Variants in ANGPT1 observed in about 807,000 individuals in gnomAD.
ANGPT1 encodes the protein angiopoietin-1.
In ANGPT1, 17 loss-of-function variants were observed where a neutral mutation model predicts 62.2. The observed-to-expected ratio is 0.27, with a 90% CI of 0.19 to 0.41. ANGPT1 has a LOEUF of 0.41. Ranked by LOEUF, ANGPT1 falls within the 10% of genes least tolerant of loss-of-function variation. The probability of loss-of-function intolerance (pLI) is 1.00; values close to 1 mark genes in which losing one functional copy is unlikely to be tolerated. For synonymous variants in ANGPT1, 199 were observed against 198.9 expected (o/e 1.00, Z 0.00); for missense variants, 478 against 594.9 (o/e 0.80, Z 2.04).
chr8:107,280,211 T>A (rs906977888), intron 7 of ANGPT1, among the ~76,000 whole-genome samples: 11 of 152,106 alleles, frequency 7.2e-5, no homozygotes, highest in African/African-American at 2.2e-4. Flanking sequence ...TTTTTATTTT[T>A]TTTTTTGAGA....
chr8:107,471,279 G>A (rs540713349), intron 1 of ANGPT1, among the ~76,000 whole-genome samples: 3 of 152,164 alleles, frequency 2.0e-5, no homozygotes, highest in Non-Finnish European at 4.4e-5. Flanking sequence ...ATCATTCTCA[G>A]CTTTCTGTGC....
intron 1 of ANGPT1, among the ~76,000 whole-genome samples, chr8:107,452,392 AAACACAC>A (rs1811800249): frequency 6.6e-6 from 1 of 151,898 alleles, no homozygotes; most frequent in Admixed American, 6.6e-5. Flanking sequence ...TTCATATTGT[AAACACAC>A]CATGATACAT....
intron 4 of ANGPT1, among the ~76,000 whole-genome samples, chr8:107,314,503 A>G (rs2130031399): frequency 6.6e-6 from 1 of 152,334 alleles, no homozygotes; most frequent in South Asian, 2.1e-4. Context: ...TGACTATTCT[A>G]AAAGGCAGAT....
intron 1 of ANGPT1, among the ~76,000 whole-genome samples, chr8:107,370,903 T>C (rs1161752142): frequency 6.6e-6 from 1 of 151,632 alleles, no homozygotes; most frequent in Non-Finnish European, 1.5e-5. Context: ...AAAGTGAGCA[T>C]ATGGCATTGA....
chr8:107,349,912 G>A (rs1403072765), intron 1 of ANGPT1, among the ~76,000 whole-genome samples: 6 of 152,110 alleles, frequency 3.9e-5, no homozygotes, highest in Admixed American at 1.3e-4. Context: ...ATTTTATAAA[G>A]CTTCCCAGTG....
chr8:107,312,224 C>A (rs1586212788), intron 4 of ANGPT1, among the ~76,000 whole-genome samples: 1 of 152,192 alleles, frequency 6.6e-6, no homozygotes, highest in Non-Finnish European at 1.5e-5. Flanking sequence ...GAATGCTGCA[C>A]GGCCCTTGCC....
chr8:107,454,531 T>C (rs1586336202), intron 1 of ANGPT1, among the ~76,000 whole-genome samples: 1 of 152,134 alleles, frequency 6.6e-6, no homozygotes, highest in South Asian at 2.1e-4. Flanking sequence ...GTGTTATCTA[T>C]ACATGTCTTC....
At position 107,409,862 on chromosome 8, in the gene ANGPT1, G is replaced by A. The variant is rs566899088; in HGVS notation, c.298-62765C>T. Among the ~76,000 whole-genome samples the A allele has an allele frequency of 2.6e-5, 4 of 152,066 alleles. No individual in the cohort carries two copies. The East Asian group carries it at 5.8e-4, about 22-fold the overall frequency. On this transcript the variant is annotated intron_variant, in intron 1 of 8. Transcript: ENST00000517746. Reference sequence around the variant, plus strand: ...AGACAGTGGGCCTCATGAAAAGTAGGAACATAATGATTGTGTTTATTTGTG... The same window carrying A: ...AGACAGTGGGCCTCATGAAAAGTAGAAACATAATGATTGTGTTTATTTGTG...
In ANGPT1 at chr8:107,431,753, A is replaced by G. The variant is rs541329124; in HGVS notation, c.297+65509T>C. ...CTCTGTCTTTTTTTTTTTTATCATC[A>G]AAGTATCATGCTAGGCACTGAGGAA... On this transcript the variant is annotated intron_variant, in intron 1 of 8. Transcript: ENST00000517746. 2.4e-4 allele frequency among the ~76,000 whole-genome samples: 37 copies of G among 152,092 alleles called. No individual in the cohort carries two copies. The East Asian group carries it at 6.6e-3, about 27-fold the overall frequency.
intron 1 of ANGPT1, among the ~76,000 whole-genome samples, chr8:107,435,114 G>A (rs1248823007): frequency 6.6e-6 from 1 of 152,120 alleles, no homozygotes; most frequent in Admixed American, 6.5e-5. Context: ...GAAGGAGAAA[G>A]GACTGTAAAT....
At chr8:107,375,191 C>A (rs951558807) in intron 1 of ANGPT1, among the ~76,000 whole-genome samples, 2 of 151,908 alleles carry the variant, frequency 1.3e-5, no homozygotes, top group Admixed American at 6.6e-5. Context: ...ACGAAAAAAA[C>A]TATCAGGATA....
At chr8:107,345,370 A>G (rs1815781729) in intron 2 of ANGPT1, among the ~76,000 whole-genome samples, 1 of 152,178 alleles carries the variant, frequency 6.6e-6, no homozygotes. Flanking sequence ...AATACCTTAC[A>G]TAGCACGCAT....
chr8:107,425,333 G>A (rs969571070), intron 1 of ANGPT1, among the ~76,000 whole-genome samples: 5 of 151,982 alleles, frequency 3.3e-5, no homozygotes, highest in East Asian at 1.9e-4. Flanking sequence ...CTGTTTATTC[G>A]CTGACTTATT....
intron 1 of ANGPT1, among the ~76,000 whole-genome samples, chr8:107,445,716 C>G (rs1334748913): frequency 6.6e-6 from 1 of 151,916 alleles, no homozygotes; most frequent in Non-Finnish European, 1.5e-5. Context: ...CAGAATCTAT[C>G]AGAAAAATAG....
intron 6 of ANGPT1, 57 bp from the exon 7 acceptor site, chr8:107,284,905 C>T (rs1814103442): frequency 7.9e-7 from 1 of 1,261,764 alleles, no homozygotes; most frequent in African/African-American, 1.5e-5. Context: ...TTTTCATGTT[C>T]AGCATTTAAC....
At chr8:107,398,749 A>G (rs897337190) in intron 1 of ANGPT1, among the ~76,000 whole-genome samples, 6 of 152,138 alleles carry the variant, frequency 3.9e-5, no homozygotes, top group Admixed American at 1.3e-4. Flanking sequence ...TATGTTTTTC[A>G]AGTCTGCTTT....
intron 1 of ANGPT1, among the ~76,000 whole-genome samples, chr8:107,420,550 C>T (rs1482499167): frequency 6.6e-6 from 1 of 152,126 alleles, no homozygotes; most frequent in African/African-American, 2.4e-5. Context: ...TAGAACAAGT[C>T]GTTAAAGTTG....
chr8:107,360,058 G>T (rs930847766), intron 1 of ANGPT1, among the ~76,000 whole-genome samples: 2 of 152,106 alleles, frequency 1.3e-5, no homozygotes, highest in Non-Finnish European at 2.9e-5. Flanking sequence ...TTCCCCACTG[G>T]CTCAGCCAGT....
chr8:107,276,516 C>T (rs1251381310), intron 7 of ANGPT1, among the ~76,000 whole-genome samples: 2 of 151,778 alleles, frequency 1.3e-5, no homozygotes, highest in Non-Finnish European at 2.9e-5. Flanking sequence ...GCAATATCTA[C>T]AAAAATGCAG....
Sources: allele counts gnomAD v4.1 joint callset (sites outside exome capture counted in the v4.1 genomes callset), GRCh38; gene constraint gnomAD v4.1.1; transcripts MANE v1.5; gene names NCBI Gene and HGNC (gene_info 2026-07-23, HGNC 2026-07-21).